Variants in STX16 observed in about 807,000 individuals in gnomAD.
STX16 encodes the protein syntaxin 16, also known as syntaxin-16.
In STX16, 28 loss-of-function variants were observed where a neutral mutation model predicts 42.7. That is an observed-to-expected ratio of 0.66 (90% CI 0.49 to 0.90). The LOEUF (loss-of-function observed/expected upper bound fraction) is 0.90. Among genes scored for constraint, STX16 ranks in the 40% least tolerant of loss-of-function variants. STX16 has a pLI of 0.00. For synonymous variants in STX16, 156 were observed against 155.2 expected, an observed-to-expected ratio of 1.00 and a Z score of -0.04; for missense variants, 361 against 420.9, an observed-to-expected ratio of 0.86 and a Z score of 1.24.
intron 8 of STX16, 134 bp downstream of exon 8, chr20:58,673,845 AGG>A (rs1225537465): frequency 1.6e-6 from 1 of 607,132 alleles, no homozygotes; most frequent in African/African-American, 1.8e-5. Flanking sequence ...TAGTGTAAAA[AGG>A]GATTCATCAT....
rs1293599398 is a variant in STX16, at chr20:58,651,736, C to G, written c.-271C>G. ...GGGTCTCTGGGACGTTGGATCGCTA[C>G]GCAAGGATTGGGGGGATTCAAGTGC... On this transcript the variant is annotated 5_prime_UTR_variant, in exon 1 of 9. Transcript: ENST00000371141. 2.7e-6 allele frequency: 1 copy of G among 364,692 alleles called. No individual in the cohort carries two copies. Among genetic ancestry groups the G allele is most frequent in the African/African-American group, 2.1e-5 (1 of 48,132 alleles). 22.6% of individuals were successfully genotyped at this position (364,692 alleles called of 1,614,324 possible).
chr20:58,663,752 A>G (rs2083754470), intron 2 of STX16, among the ~76,000 whole-genome samples: 1 of 152,120 alleles, frequency 6.6e-6, no homozygotes, highest in East Asian at 1.9e-4. Flanking sequence ...ATCTTGGCTC[A>G]CTGCAACTTC....
At chr20:58,652,952 T>G (rs766095236) in intron 1 of STX16, among the ~76,000 whole-genome samples, 2 of 152,186 alleles carry the variant, frequency 1.3e-5, no homozygotes, top group Non-Finnish European at 2.9e-5. Context: ...GTTTGGGGTT[T>G]GTTTTTAATG....
chr20:58,666,423 G>GTT (rs5842238), intron 2 of STX16, among the ~76,000 whole-genome samples: 53 of 79,672 alleles, frequency 6.7e-4, no homozygotes, highest in Middle Eastern at 6.5e-3. Flanking sequence ...GTGTGTGTGT[G>GTT]TTTTTTTTTT....
chr20:58,673,129 G>A (rs144252413), intron 7 of STX16, among the ~76,000 whole-genome samples: 1 of 152,300 alleles, frequency 6.6e-6, no homozygotes, highest in Non-Finnish European at 1.5e-5. Context: ...GTGGTAGACT[G>A]GAGTTTACCA....
chr20:58,661,574 C>A (rs953962246), intron 2 of STX16, among the ~76,000 whole-genome samples: 2 of 152,234 alleles, frequency 1.3e-5, no homozygotes, highest in Admixed American at 1.3e-4. Flanking sequence ...TGTGCAGTGC[C>A]GTTATCTTTT....
chr20:58,671,549 A>AT (rs1043357658), intron 7 of STX16, among the ~76,000 whole-genome samples: 10 of 151,592 alleles, frequency 6.6e-5, no homozygotes, highest in African/African-American at 2.2e-4. Context: ...CAGTGTTTAC[A>AT]TTTTTTACTG....
chr20:58,667,382 C>T, intron 2 of STX16, 108 bp from the exon 3 acceptor site: 1 of 901,996 alleles, frequency 1.1e-6, no homozygotes, highest in South Asian at 1.4e-5. Flanking sequence ...AGTAAACATT[C>T]ACTCCTTTCT....
intron 8 of STX16, 118 bp downstream of exon 8, chr20:58,673,829 A>G: frequency 1.4e-6 from 1 of 698,398 alleles, no homozygotes; most frequent in African/African-American, 1.8e-5. Context: ...TCCACTCTCA[A>G]TACAGTAGTG....
chr20:58,652,413 A>C (rs986608676), intron 1 of STX16: 49 of 499,272 alleles, frequency 9.8e-5, no homozygotes, highest in Non-Finnish European at 3.2e-5. Context: ...ACTGCGCTAC[A>C]GGCCGCCTGT....
intron 1 of STX16, chr20:58,652,371 A>ACCCCCCC (rs11481928): frequency 6.5e-4 from 302 of 461,982 alleles, no homozygotes; most frequent in African/African-American, 2.4e-3. Flanking sequence ...CTTCCGCAGC[A>ACCCCCCC]CCCCCCCCCC....
chr20:58,652,470 C>T (rs1354619302), intron 1 of STX16, among the ~76,000 whole-genome samples: 4 of 145,266 alleles, frequency 2.8e-5, no homozygotes, highest in Non-Finnish European at 6.0e-5. Flanking sequence ...TTGGGCCTTT[C>T]TGAAGCCTTT....
Position 58,676,357 on chromosome 20 carries a change from C to T in STX16, c.*66C>T, listed in dbSNP as rs1307175155. 2 of 1,434,016 alleles carry T rather than the reference C, an allele frequency of 1.4e-6. No individual in the cohort carries two copies. Among genetic ancestry groups the T allele is most frequent in the Non-Finnish European group, 2.0e-6 (2 of 1,017,800 alleles). 88.8% of individuals were successfully genotyped at this position (1,434,016 alleles called of 1,614,324 possible). A position where few individuals can be genotyped will look rare whatever the true frequency, so the allele number is the denominator to read the frequency against. ...CCGGGTGTGAGGGGCTTGGCCTGCG[C>T]CCCGCCAGCTGCCCGCAGAGGTGCA... On this transcript the variant is annotated 3_prime_UTR_variant, in exon 9 of 9. Transcript: ENST00000371141.
chr20:58,678,506 G>A lies in STX16; in HGVS notation c.*2215G>A, dbSNP rs1378307221. The A allele has an allele frequency of 6.6e-6, 1 of 152,210 alleles. No individual in the cohort carries two copies. Among genetic ancestry groups the A allele is most frequent in the East Asian group, 1.9e-4 (1 of 5,156 alleles). The allele number at this position is 152,210 out of a possible 1,614,324, so 9.4% of individuals were successfully genotyped here. A position where few individuals can be genotyped will look rare whatever the true frequency, so the allele number is the denominator to read the frequency against. On this transcript the variant is annotated 3_prime_UTR_variant, in exon 9 of 9. Coordinates refer to ENST00000371141, the MANE Select transcript of STX16 (RefSeq NM_001001433.3). ...CAAAAAATACAAAAATTAGCCGGGT[G>A]GGACACGCCTGTAATCCCAGCTACT...
In STX16 at chr20:58,678,262, A is replaced by G. The variant is rs2084183670; in HGVS notation, c.*1971A>G. On this transcript the variant is annotated 3_prime_UTR_variant, in exon 9 of 9. Transcript: ENST00000371141. ...GAAAGTGACCCTTTAAGAGAGGATCATCTTTTTTTATATTTATTTTCACCA... is the reference window on the plus strand; with the variant it reads ...GAAAGTGACCCTTTAAGAGAGGATCGTCTTTTTTTATATTTATTTTCACCA... 6.6e-6 allele frequency: 1 copy of G among 152,170 alleles called. No individual in the cohort carries two copies. Among genetic ancestry groups the G allele is most frequent in the Admixed American group, 6.5e-5 (1 of 15,272 alleles). The allele number at this position is 152,170 out of a possible 1,614,324, so 9.4% of individuals were successfully genotyped here. A position where few individuals can be genotyped will look rare whatever the true frequency, so the allele number is the denominator to read the frequency against.
intron 1 of STX16, 71 bp downstream of exon 1, chr20:58,652,209 G>C: frequency 6.3e-7 from 1 of 1,591,720 alleles, no homozygotes. Context: ...GTCTGTCTCT[G>C]TCTGTCTCTC....
At chr20:58,670,678 A>G (rs1311429586) in intron 6 of STX16, 75 bp downstream of exon 6, 1 of 1,233,064 alleles carries the variant, frequency 8.1e-7, no homozygotes, top group African/African-American at 1.5e-5. Context: ...CTAGACCTCG[A>G]TCTTCTGTGC....
chr20:58,656,550 G>GT (rs1324449246), intron 1 of STX16, among the ~76,000 whole-genome samples: 1 of 152,180 alleles, frequency 6.6e-6, no homozygotes, highest in Non-Finnish European at 1.5e-5. Flanking sequence ...GATTTGTGTG[G>GT]TTTCCTTCGA....
intron 7 of STX16, among the ~76,000 whole-genome samples, chr20:58,672,623 T>A (rs1024406343): frequency 1.3e-5 from 2 of 152,162 alleles, no homozygotes; most frequent in Admixed American, 6.5e-5. Flanking sequence ...TATAAGAATA[T>A]TAATAAATCT....
Sources: gnomAD v4.1 joint callset for allele counts (sites outside exome capture counted in the v4.1 genomes callset) on GRCh38, gnomAD v4.1.1 for gene constraint, MANE v1.5 for transcripts, NCBI Gene and HGNC (gene_info 2026-07-23, HGNC 2026-07-21) for gene names.